The following KCNH8 variants were observed in gnomAD, a reference collection of about 807,000 sequenced individuals.
The protein encoded by KCNH8 is voltage-gated delayed rectifier potassium channel KCNH8.
Under a neutral mutation model 103.6 loss-of-function variants are expected in KCNH8, and 70 were observed. The ratio of observed to expected loss-of-function variants is 0.68; its 90% confidence interval spans 0.56 to 0.82. The LOEUF (loss-of-function observed/expected upper bound fraction) is 0.82. Ranked by LOEUF, KCNH8 falls within the 40% of genes least tolerant of loss-of-function variation. KCNH8 has a pLI of 0.00. For synonymous variants in KCNH8, 498 were observed against 489.4 expected, an observed-to-expected ratio of 1.02 and a Z score of -0.23; for missense variants, 1,217 against 1,329.9, an observed-to-expected ratio of 0.92 and a Z score of 1.32.
chr3:19,358,211 TTC>T (rs1559491081), intron 5 of KCNH8, among the ~76,000 whole-genome samples: 1 of 150,010 alleles, frequency 6.7e-6, no homozygotes, highest in East Asian at 2.0e-4. Context: ...TTCTTTCTCT[TTC>T]TCTTTCCTTC....
intron 11 of KCNH8, among the ~76,000 whole-genome samples, chr3:19,503,428 A>G (rs374558632): frequency 2.4e-4 from 37 of 152,140 alleles, no homozygotes; most frequent in African/African-American, 8.2e-4. Context: ...CCATTACTGG[A>G]TATATACCCA....
chr3:19,350,966 C>T (rs1489744962), intron 5 of KCNH8, among the ~76,000 whole-genome samples: 1 of 151,966 alleles, frequency 6.6e-6, no homozygotes. Context: ...GAACCCATCA[C>T]AAAGAAGCTA....
chr3:19,328,853 A>G (rs1451135161), intron 3 of KCNH8, among the ~76,000 whole-genome samples: 3 of 152,196 alleles, frequency 2.0e-5, no homozygotes, highest in Non-Finnish European at 4.4e-5. Context: ...TGCTATGGAT[A>G]CAATATGCAG....
chr3:19,369,048 G>A (rs1303665727), intron 5 of KCNH8, among the ~76,000 whole-genome samples: 1 of 151,812 alleles, frequency 6.6e-6, no homozygotes, highest in Non-Finnish European at 1.5e-5. Context: ...ATTCGTCTTA[G>A]TTTATGGATA....
chr3:19,416,479 T>C (rs1269172053), intron 7 of KCNH8, among the ~76,000 whole-genome samples: 1 of 152,202 alleles, frequency 6.6e-6, no homozygotes, highest in Non-Finnish European at 1.5e-5. Flanking sequence ...ACTACCTTCC[T>C]GTATTCCCCA....
intron 1 of KCNH8, among the ~76,000 whole-genome samples, chr3:19,158,932 C>T (rs1426886383): frequency 6.6e-6 from 1 of 151,786 alleles, no homozygotes; most frequent in Non-Finnish European, 1.5e-5. Flanking sequence ...CATTTTAAGA[C>T]CAATGTTAAA....
intron 6 of KCNH8, among the ~76,000 whole-genome samples, chr3:19,394,572 A>G (rs1351881732): frequency 5.3e-5 from 8 of 152,078 alleles, no homozygotes; most frequent in Admixed American, 3.9e-4. Context: ...ATGAGGCAGA[A>G]GATGCTACTG....
At chr3:19,171,548 G>A (rs894130509) in intron 1 of KCNH8, among the ~76,000 whole-genome samples, 1 of 148,532 alleles carries the variant, frequency 6.7e-6, no homozygotes, top group African/African-American at 2.6e-5. Context: ...TTCAATTTTC[G>A]AGTATTCATT....
intron 3 of KCNH8, among the ~76,000 whole-genome samples, chr3:19,322,534 G>A (rs1318636822): frequency 6.6e-6 from 1 of 152,080 alleles, no homozygotes; most frequent in Admixed American, 6.6e-5. Context: ...ATCCCTTCTT[G>A]TTTGTAAGCT....
At chr3:19,213,374 A>G (rs2063788914) in intron 1 of KCNH8, among the ~76,000 whole-genome samples, 1 of 152,082 alleles carries the variant, frequency 6.6e-6, no homozygotes, top group Non-Finnish European at 1.5e-5. Context: ...TAAACTGAGG[A>G]CTTTGAAATT....
chr3:19,522,189 G>A (rs764326160), intron 15 of KCNH8, among the ~76,000 whole-genome samples: 14 of 151,890 alleles, frequency 9.2e-5, no homozygotes, highest in Non-Finnish European at 2.1e-4. Flanking sequence ...AATGAGCTTT[G>A]TAGAAACATA....
chr3:19,246,433 T>A (rs11925033), intron 1 of KCNH8, among the ~76,000 whole-genome samples: 9,622 of 151,580 alleles, frequency 0.063, 988 homozygotes, highest in African/African-American at 0.21. Flanking sequence ...CGTGCCACCA[T>A]GCCCAGCTAA....
intron 1 of KCNH8, among the ~76,000 whole-genome samples, chr3:19,234,361 C>G (rs567850070): frequency 6.6e-6 from 1 of 152,300 alleles, no homozygotes; most frequent in South Asian, 2.1e-4. Flanking sequence ...AGGCTCCGGC[C>G]GCACAGGAGC....
At chr3:19,444,551 G>A (rs1423916696) in intron 8 of KCNH8, among the ~76,000 whole-genome samples, 1 of 151,788 alleles carries the variant, frequency 6.6e-6, no homozygotes, top group African/African-American at 2.4e-5. Flanking sequence ...TTATAAATGT[G>A]AAGAGAGAAG....
intron 3 of KCNH8, among the ~76,000 whole-genome samples, chr3:19,325,387 A>G (rs141903364): frequency 9.2e-4 from 140 of 152,304 alleles, no homozygotes; most frequent in African/African-American, 3.3e-3. Flanking sequence ...GACACTGTCA[A>G]TAGAGTAGAA....
chr3:19,158,442 T>C (rs1340166978), intron 1 of KCNH8, among the ~76,000 whole-genome samples: 1 of 151,736 alleles, frequency 6.6e-6, no homozygotes, highest in Non-Finnish European at 1.5e-5. Flanking sequence ...TATTTGGAAG[T>C]CTGTATGACT....
chr3:19,405,504 T>C (rs2066678405), intron 7 of KCNH8, among the ~76,000 whole-genome samples: 2 of 151,924 alleles, frequency 1.3e-5, no homozygotes, highest in South Asian at 2.1e-4. Flanking sequence ...GAAAATGATG[T>C]ATTTTATTAA....
chr3:19,395,046 T>C (rs960888343), intron 6 of KCNH8, 58 bp from the exon 7 acceptor site: 4 of 1,195,450 alleles, frequency 3.3e-6, no homozygotes, highest in African/African-American at 1.5e-5. Flanking sequence ...TCCAAGTTAA[T>C]GTTGTGGTAT....
chr3:19,484,925 G>A (rs867967572), intron 11 of KCNH8, among the ~76,000 whole-genome samples: 2 of 151,962 alleles, frequency 1.3e-5, no homozygotes, highest in Admixed American at 6.6e-5. Flanking sequence ...TTTCATAAGG[G>A]GAGTATTCTG....
Sources: allele counts gnomAD v4.1 joint callset (sites outside exome capture counted in the v4.1 genomes callset), GRCh38; gene constraint gnomAD v4.1.1; transcripts MANE v1.5; gene names NCBI Gene and HGNC (gene_info 2026-07-23, HGNC 2026-07-21).